Variants in GPHN observed in about 807,000 individuals in gnomAD.
GPHN encodes the protein gephyrin.
Under a neutral mutation model 95.5 loss-of-function variants are expected in GPHN, and 17 were observed. The ratio of observed to expected loss-of-function variants is 0.18; its 90% CI spans 0.12 to 0.27. The LOEUF is 0.27. Among genes scored for constraint, GPHN ranks in the 10% least tolerant of loss-of-function variants. The pLI is 1.00. For synonymous variants in GPHN, 320 were observed against 322.5 expected, an observed-to-expected ratio of 0.99 and a Z score of 0.08; for missense variants, 660 against 978.1, an observed-to-expected ratio of 0.67 and a Z score of 4.34.
At chr14:67,279,758 G>GT in the GPHN span, 71 of 415,044 alleles carry the variant, frequency 1.7e-4, no homozygotes, top group African/African-American at 1.3e-3. Flanking sequence ...ACTATAACAT[G>GT]TTTTTTTAGA....
chr14:67,463,647 A>G, the GPHN span, among the ~76,000 whole-genome samples: 1 of 146,134 alleles, frequency 6.8e-6, no homozygotes, highest in Non-Finnish European at 1.5e-5. Context: ...TCAAAAAAAA[A>G]AAAAAAAAAA....
At chr14:67,088,900 G>A (rs2077015541) in intron 11 of GPHN, 83 bp from the exon 12 acceptor site, 1 of 786,050 alleles carries the variant, frequency 1.3e-6, no homozygotes, top group Non-Finnish European at 2.3e-6. Flanking sequence ...TGTCAGACAA[G>A]CACTCATGCC....
chr14:66,718,022 G>C (rs2070354866), intron 2 of GPHN, among the ~76,000 whole-genome samples: 1 of 152,190 alleles, frequency 6.6e-6, no homozygotes, highest in Non-Finnish European at 1.5e-5. Flanking sequence ...AGTATCAGCT[G>C]TGGTAGTATG....
the GPHN span, among the ~76,000 whole-genome samples, chr14:67,702,124 A>C: frequency 6.6e-6 from 1 of 151,784 alleles, no homozygotes; most frequent in Non-Finnish European, 1.5e-5. Flanking sequence ...GCTTTTTTAA[A>C]AATTTAATAT....
chr14:67,716,128 C>T, the GPHN span, among the ~76,000 whole-genome samples: 1 of 150,240 alleles, frequency 6.7e-6, no homozygotes, highest in East Asian at 2.0e-4. Flanking sequence ...ACCTGGGAGG[C>T]GGAGCTTGCA....
At chr14:66,931,406 A>G (rs1453074516) in intron 8 of GPHN, among the ~76,000 whole-genome samples, 2 of 152,072 alleles carry the variant, frequency 1.3e-5, no homozygotes, top group Non-Finnish European at 2.9e-5. Context: ...ATGTTTTGAA[A>G]GATCTTTGTT....
chr14:67,258,356 G>A, the GPHN span, among the ~76,000 whole-genome samples: 7 of 152,108 alleles, frequency 4.6e-5, no homozygotes, highest in Non-Finnish European at 7.4e-5. Flanking sequence ...GCAATGTGGC[G>A]AAACCCCGTC....
chr14:67,630,390 G>C, the GPHN span, among the ~76,000 whole-genome samples: 1 of 152,146 alleles, frequency 6.6e-6, no homozygotes, highest in African/African-American at 2.4e-5. Flanking sequence ...CAAGGCCTCT[G>C]CCTAATGGTG....
At chr14:66,562,576 G>T (rs543312636) in intron 1 of GPHN, among the ~76,000 whole-genome samples, 1 of 152,116 alleles carries the variant, frequency 6.6e-6, no homozygotes, top group Non-Finnish European at 1.5e-5. Flanking sequence ...CAAAGCGTTT[G>T]TTGGAATTTG....
chr14:67,275,407 T>C, the GPHN span, among the ~76,000 whole-genome samples: 1 of 152,240 alleles, frequency 6.6e-6, no homozygotes, highest in Non-Finnish European at 1.5e-5. Flanking sequence ...GTTTTGTTTA[T>C]ATGCTGGATT....
chr14:67,332,286 C>T, the GPHN span, among the ~76,000 whole-genome samples: 6 of 152,148 alleles, frequency 3.9e-5, no homozygotes, highest in African/African-American at 1.4e-4. Context: ...TATATAGTTT[C>T]CCAAACTCTG....
chr14:67,422,771 T>C, the GPHN span, among the ~76,000 whole-genome samples: 1 of 152,150 alleles, frequency 6.6e-6, no homozygotes, highest in East Asian at 1.9e-4. Context: ...GAGTAGGCGA[T>C]TCCAGAGTAG....
the GPHN span, among the ~76,000 whole-genome samples, chr14:67,315,817 C>T: frequency 6.6e-6 from 1 of 152,132 alleles, no homozygotes; most frequent in Non-Finnish European, 1.5e-5. Flanking sequence ...CCCAGCTGCT[C>T]GGGAGGCTGA....
chr14:67,003,784 A>G (rs1006233363), intron 9 of GPHN, among the ~76,000 whole-genome samples: 4 of 151,678 alleles, frequency 2.6e-5, no homozygotes, highest in Non-Finnish European at 4.4e-5. Context: ...ATATTTCTGA[A>G]TGATTCTTTA....
the GPHN span, chr14:67,656,605 A>G: frequency 6.3e-7 from 1 of 1,590,124 alleles, no homozygotes; most frequent in East Asian, 2.2e-5. Context: ...AGAAGTATGG[A>G]AGAGAAATGT....
chr14:67,285,894 T>C, the GPHN span, among the ~76,000 whole-genome samples: 310 of 152,336 alleles, frequency 2.0e-3, no homozygotes, highest in African/African-American at 7.0e-3. Context: ...TGTATGTTTG[T>C]ATTCATCTGA....
At chr14:67,201,537 C>T in the GPHN span, 27 of 455,748 alleles carry the variant, frequency 5.9e-5, no homozygotes, top group Non-Finnish European at 8.8e-5. Context: ...CTCTGAGAAA[C>T]GTTTTCCAGG....
At chr14:67,323,952 A>T in the GPHN span, 3 of 541,816 alleles carry the variant, frequency 5.5e-6, no homozygotes, top group Non-Finnish European at 6.5e-6. Flanking sequence ...CTTGCCCAAA[A>T]ATTGCCATGG....
the GPHN span, chr14:67,651,460 C>G: frequency 3.1e-6 from 5 of 1,613,738 alleles, no homozygotes; most frequent in Non-Finnish European, 4.2e-6. Context: ...TAATGGAAAG[C>G]AGCAGCTTGT....
Sources: gnomAD v4.1 joint callset for allele counts (sites outside exome capture counted in the v4.1 genomes callset) on GRCh38, gnomAD v4.1.1 for gene constraint, MANE v1.5 for transcripts, NCBI Gene and HGNC (gene_info 2026-07-23, HGNC 2026-07-21) for gene names.